The following KDM5A variants were observed in gnomAD, a reference collection of about 807,000 sequenced individuals.
KDM5A encodes the protein lysine demethylase 5A, also known as lysine-specific demethylase 5A.
KDM5A carries 42 observed loss-of-function variants against 193.5 expected under a neutral mutation model. The ratio of observed to expected loss-of-function variants is 0.22; its 90% confidence interval spans 0.17 to 0.28. The LOEUF is 0.28. KDM5A is among the 10% of genes least tolerant of loss of function. The pLI, the probability that KDM5A is intolerant of heterozygous loss-of-function variation, is 1.00. For synonymous variants in KDM5A, 796 were observed against 718.1 expected (o/e 1.11, Z -1.73); for missense variants, 1,692 against 2,055.1 (o/e 0.82, Z 3.42).
intron 4 of KDM5A, 21 bp from the exon 5 acceptor site, chr12:363,118 A>G (rs767784825): frequency 1.9e-6 from 3 of 1,613,716 alleles, no homozygotes; most frequent in Non-Finnish European, 2.5e-6. Flanking sequence ...AGAGCACAGA[A>G]AGAGAGCAGG....
intron 27 of KDM5A, among the ~76,000 whole-genome samples, chr12:288,890 T>C (rs916602867): frequency 1.3e-5 from 2 of 152,258 alleles, no homozygotes; most frequent in Non-Finnish European, 2.9e-5. Context: ...CTGGGACAGT[T>C]AGTCACTCTA....
At chr12:352,705 A>C (rs1944178659) in intron 8 of KDM5A, among the ~76,000 whole-genome samples, 1 of 152,214 alleles carries the variant, frequency 6.6e-6, no homozygotes, top group Non-Finnish European at 1.5e-5. Context: ...AAGGAAAGGT[A>C]ATGGATAAGG....
intron 13 of KDM5A, among the ~76,000 whole-genome samples, chr12:329,460 G>T (rs1228941510): frequency 6.9e-6 from 1 of 145,280 alleles, no homozygotes; most frequent in African/African-American, 2.5e-5. Flanking sequence ...AATTTCCATA[G>T]AACAAAAAGA....
intron 22 of KDM5A, among the ~76,000 whole-genome samples, chr12:309,113 C>T (rs184324602): frequency 5.3e-4 from 81 of 152,214 alleles, no homozygotes; most frequent in African/African-American, 1.9e-3. Flanking sequence ...TTATTACTTA[C>T]AATAAGAAAC....
chr12:358,195 G>A (rs7316660), intron 5 of KDM5A, among the ~76,000 whole-genome samples: 107,042 of 152,080 alleles, frequency 0.7, 37,891 homozygotes, highest in Middle Eastern at 0.78. Context: ...CATATTCTCT[G>A]AATATAGACT....
At chr12:385,131 C>T (rs988332657) in intron 2 of KDM5A, among the ~76,000 whole-genome samples, 4 of 148,172 alleles carry the variant, frequency 2.7e-5, no homozygotes, top group Admixed American at 6.9e-5. Flanking sequence ...TGCAGTGAGC[C>T]GAGATCGCAC....
chr12:345,934 C>G (rs758485533), intron 10 of KDM5A, among the ~76,000 whole-genome samples: 1 of 147,558 alleles, frequency 6.8e-6, no homozygotes, highest in East Asian at 1.9e-4. Flanking sequence ...AACTGAAAGA[C>G]AGAGAGACAC....
At chr12:322,713 C>A in intron 16 of KDM5A, 146 bp from the exon 17 acceptor site, 2 of 719,588 alleles carry the variant, frequency 2.8e-6, no homozygotes, top group Non-Finnish European at 4.7e-6. Flanking sequence ...GTGAAAATCT[C>A]ACCAACACAA....
At chr12:365,455 T>C (rs1458491527) in intron 4 of KDM5A, among the ~76,000 whole-genome samples, 1 of 152,156 alleles carries the variant, frequency 6.6e-6, no homozygotes, top group African/African-American at 2.4e-5. Flanking sequence ...AAAGACAAAC[T>C]ACAGAGCCAG....
At chr12:353,861 G>A (rs1433223935) in intron 8 of KDM5A, among the ~76,000 whole-genome samples, 1 of 149,404 alleles carries the variant, frequency 6.7e-6, no homozygotes, top group Admixed American at 6.7e-5. Flanking sequence ...GGTGGAGGTT[G>A]CAGTGAGCTG....
Position 366,671 on chromosome 12 carries a change from G to T in KDM5A, c.367-567C>A, listed in dbSNP as rs570552972. 1.6e-4 allele frequency among the ~76,000 whole-genome samples: 25 copies of T among 152,220 alleles called. 1 individual carries two copies. In the South Asian group the frequency reaches 5.2e-3, roughly 32 times the overall value. ...AAGATTAGGTTGCAGTAGATTTACC[G>T]ATACGGAGTACAGAATATATTAAGG... On this transcript the variant is annotated intron_variant, in intron 3 of 27. Coordinates refer to ENST00000399788, the MANE Select transcript of KDM5A (RefSeq NM_001042603.3).
intron 7 of KDM5A, among the ~76,000 whole-genome samples, chr12:354,584 A>G (rs1944207982): frequency 6.6e-6 from 1 of 152,068 alleles, no homozygotes; most frequent in South Asian, 2.1e-4. Flanking sequence ...TGGCTAACAC[A>G]GTGAAACCCC....
intron 24 of KDM5A, among the ~76,000 whole-genome samples, chr12:302,500 C>A (rs1943455466): frequency 1.3e-5 from 2 of 152,198 alleles, no homozygotes; most frequent in South Asian, 2.1e-4. Flanking sequence ...CCCTTCCTTA[C>A]ACCTCACACA....
At chr12:364,582 G>A (rs903760146) in intron 4 of KDM5A, among the ~76,000 whole-genome samples, 5 of 151,618 alleles carry the variant, frequency 3.3e-5, no homozygotes, top group African/African-American at 1.2e-4. Flanking sequence ...TCAGGAGATC[G>A]AGACCATCCT....
At chr12:340,126 C>T (rs1943982091) in intron 10 of KDM5A, among the ~76,000 whole-genome samples, 1 of 152,106 alleles carries the variant, frequency 6.6e-6, no homozygotes, top group African/African-American at 2.4e-5. Flanking sequence ...GATCCACCTG[C>T]CTCAGCCTCC....
At chr12:333,776 C>T (rs1943891429) in intron 11 of KDM5A, 127 bp from the exon 12 acceptor site, 1 of 883,336 alleles carries the variant, frequency 1.1e-6, no homozygotes, top group Admixed American at 1.9e-5. Context: ...GCCCTGAATT[C>T]TGGCAACCAT....
At chr12:354,014 G>C (rs1944197319) in intron 8 of KDM5A, 62 bp downstream of exon 8, 1 of 1,153,574 alleles carries the variant, frequency 8.7e-7, no homozygotes, top group Non-Finnish European at 1.3e-6. Flanking sequence ...TTTATATGTA[G>C]GTGTATATGC....
intron 10 of KDM5A, among the ~76,000 whole-genome samples, chr12:342,837 G>A (rs540844476): frequency 3.3e-5 from 5 of 150,772 alleles, no homozygotes; most frequent in East Asian, 2.0e-4. Flanking sequence ...GAACAGCTCC[G>A]GCCTACAGCT....
intron 3 of KDM5A, among the ~76,000 whole-genome samples, chr12:382,511 A>G (rs986947923): frequency 1.3e-5 from 2 of 152,188 alleles, no homozygotes; most frequent in Admixed American, 1.3e-4. Context: ...CAATTTAAAT[A>G]AGAATAAATT....
Sources: allele counts gnomAD v4.1 joint callset (sites outside exome capture counted in the v4.1 genomes callset), GRCh38; gene constraint gnomAD v4.1.1; transcripts MANE v1.5; gene names NCBI Gene and HGNC (gene_info 2026-07-23, HGNC 2026-07-21).